The following BTBD7 variants were observed in gnomAD, a reference collection of about 807,000 sequenced individuals.
BTBD7 encodes the protein BTB domain containing 7.
In BTBD7, 38 loss-of-function variants were observed where a neutral mutation model predicts 99.9. The observed-to-expected ratio is 0.38, with a 90% confidence interval of 0.29 to 0.50. The LOEUF (loss-of-function observed/expected upper bound fraction) is 0.50. BTBD7 is among the 20% of genes least tolerant of loss of function. BTBD7 has a pLI of 0.93. For synonymous variants in BTBD7, 520 were observed against 511.4 expected (o/e 1.02, Z -0.23); for missense variants, 1,170 against 1,394.6 (o/e 0.84, Z 2.57).
At chr14:93,331,388 G>A (rs1026716666) in intron 1 of BTBD7, among the ~76,000 whole-genome samples, 2 of 152,092 alleles carry the variant, frequency 1.3e-5, no homozygotes, top group African/African-American at 2.4e-5. Context: ...CTGGTTTCCC[G>A]GCTCTAAAAC....
intron 1 of BTBD7, among the ~76,000 whole-genome samples, chr14:93,303,049 G>C (rs1344117257): frequency 1.3e-5 from 2 of 152,110 alleles, no homozygotes; most frequent in Admixed American, 6.6e-5. Context: ...AAAGGTATTG[G>C]GTCTTTGTTC....
intron 1 of BTBD7, among the ~76,000 whole-genome samples, chr14:93,303,845 C>T (rs2053035327): frequency 6.6e-6 from 1 of 152,204 alleles, no homozygotes; most frequent in South Asian, 2.1e-4. Context: ...CCACCCCCCA[C>T]CAGAGGAAGG....
At chr14:93,278,683 TATTTTA>T (rs2052683179) in intron 3 of BTBD7, among the ~76,000 whole-genome samples, 1 of 152,236 alleles carries the variant, frequency 6.6e-6, no homozygotes, top group Admixed American at 6.5e-5. Flanking sequence ...TGGAAGTACG[TATTTTA>T]TAACCTTATA....
chr14:93,321,708 C>T (rs2053272194), intron 1 of BTBD7, among the ~76,000 whole-genome samples: 1 of 152,148 alleles, frequency 6.6e-6, no homozygotes, highest in Admixed American at 6.5e-5. Context: ...TGGAGCAAAA[C>T]TGCCCAAGTT....
intron 1 of BTBD7, among the ~76,000 whole-genome samples, chr14:93,314,364 T>G (rs958237198): frequency 9.2e-5 from 14 of 152,256 alleles, no homozygotes; most frequent in Middle Eastern, 3.4e-3. Context: ...TTACACTAAA[T>G]CCTAAAATTA....
intron 4 of BTBD7, 53 bp downstream of exon 4, chr14:93,263,732 G>A: frequency 6.6e-7 from 1 of 1,525,698 alleles, no homozygotes; most frequent in South Asian, 1.1e-5. Flanking sequence ...GCATAGATGG[G>A]TTTCTTGGCG....
At chr14:93,305,647 T>C (rs1160410372) in intron 1 of BTBD7, among the ~76,000 whole-genome samples, 3 of 152,260 alleles carry the variant, frequency 2.0e-5, no homozygotes, top group South Asian at 4.1e-4. Flanking sequence ...CAGAATGAAA[T>C]AGATATTCTT....
At chr14:93,246,388 C>G in intron 9 of BTBD7, 102 bp from the exon 10 acceptor site, 1 of 1,226,056 alleles carries the variant, frequency 8.2e-7, no homozygotes, top group Non-Finnish European at 1.1e-6. Context: ...AAGAAAACCA[C>G]AGTCAGCAAG....
rs543597486 is a variant in BTBD7, at chr14:93,271,097, T to G, written c.1163-7104A>C. 5.1e-4 allele frequency among the ~76,000 whole-genome samples: 78 copies of G among 152,334 alleles called. 1 individual carries two copies. The highest frequency in any genetic ancestry group is 7.8e-4 in the Non-Finnish European group (53 of 68,032). ...TCAGTAACACAAATGACTGTATTGC[T>G]GCATGTTAAATAGGATCACTTTCTG... On this transcript the variant is annotated intron_variant, in intron 3 of 10. Transcript: ENST00000334746.
chr14:93,252,931 C>G (rs530174260), intron 7 of BTBD7, among the ~76,000 whole-genome samples: 1 of 151,946 alleles, frequency 6.6e-6, no homozygotes, highest in Non-Finnish European at 1.5e-5. Flanking sequence ...TCAGGTGATT[C>G]TCCTAAATCA....
chr14:93,253,684 C>T lies in BTBD7; in HGVS notation c.1715G>A (p.Arg572His), dbSNP rs759339337. The T allele has an allele frequency of 6.8e-6, 11 of 1,612,288 alleles. No individual in the cohort carries two copies. The highest frequency in any genetic ancestry group is 1.3e-5 in the African/African-American group (1 of 74,982). The change falls in exon 7 of 11, where the codon CGT (arginine) becomes CAT (histidine). Residue 572 changes from arginine to histidine, a missense_variant. By Grantham distance (29) the Arg-to-His change is conservative. Transcript: ENST00000334746. Reference sequence around the variant, plus strand: ...CACATAGGGAGAGAAGAGTCGAGGACGAACATAGATGCCAGCATTTTTTTG... The same window carrying T: ...CACATAGGGAGAGAAGAGTCGAGGATGAACATAGATGCCAGCATTTTTTTG... ...LRQKNAGIYV[R>H]PRLFSPYVEE...
intron 1 of BTBD7, among the ~76,000 whole-genome samples, chr14:93,318,132 C>A (rs539667811): frequency 1.1e-4 from 17 of 152,272 alleles, no homozygotes; most frequent in Non-Finnish European, 4.4e-5. Context: ...GGTGATCTTG[C>A]GGATTCAAAA....
chr14:93,242,485 C>A lies in BTBD7; in HGVS notation c.3187G>T (p.Asp1063Tyr), dbSNP rs1270759459. The A allele has an allele frequency of 5.6e-6, 9 of 1,614,236 alleles. No individual in the cohort carries two copies. The highest frequency in any genetic ancestry group is 7.6e-6 in the Non-Finnish European group (9 of 1,180,046). The change falls in exon 11 of 11, where the codon GAC becomes TAC. Residue 1063 changes from aspartate to tyrosine, a missense_variant. By Grantham distance (160) the Asp-to-Tyr change is radical (BLOSUM62 -3). Around this residue, in one of 4 missense-constraint regions of BTBD7, gnomAD observed 495 missense variants for 525.9 expected, o/e 0.94. Transcript: ENST00000334746. ...HVRGRTAVET[D>Y]LTFGLTPNRP... ...TTAGGAGTCAGCCCAAAAGTCAAGTCAGTTTCTACTGCAGTTCGTCCCCTG... is the reference window on the plus strand; with the variant it reads ...TTAGGAGTCAGCCCAAAAGTCAAGTAAGTTTCTACTGCAGTTCGTCCCCTG...
At chr14:93,271,905 C>T (rs2052605179) in intron 3 of BTBD7, among the ~76,000 whole-genome samples, 1 of 152,178 alleles carries the variant, frequency 6.6e-6, no homozygotes, top group Admixed American at 6.5e-5. Flanking sequence ...ACTCAGGAGG[C>T]TGACGTGGGA....
At chr14:93,304,767 G>C (rs774546773) in intron 1 of BTBD7, among the ~76,000 whole-genome samples, 1 of 152,176 alleles carries the variant, frequency 6.6e-6, no homozygotes, top group African/African-American at 2.4e-5. Context: ...TCCATTCAAA[G>C]CCAAAACATT....
At chr14:93,315,313 A>C (rs148182390) in intron 1 of BTBD7, among the ~76,000 whole-genome samples, 1 of 152,214 alleles carries the variant, frequency 6.6e-6, no homozygotes, top group African/African-American at 2.4e-5. Context: ...CATTTTATTA[A>C]GTCCTAAGTA....
intron 3 of BTBD7, among the ~76,000 whole-genome samples, chr14:93,265,975 T>C (rs2052537591): frequency 6.6e-6 from 1 of 152,090 alleles, no homozygotes; most frequent in Non-Finnish European, 1.5e-5. Context: ...GAAAGTATGT[T>C]TCAAAATCTT....
At chr14:93,246,925 T>C (rs2052318394) in intron 9 of BTBD7, among the ~76,000 whole-genome samples, 1 of 152,256 alleles carries the variant, frequency 6.6e-6, no homozygotes, top group Non-Finnish European at 1.5e-5. Context: ...AACCTAAAAA[T>C]GTTCAGTAGA....
Position 93,240,842 on chromosome 14 carries a change from G to A in BTBD7, c.*1431C>T, listed in dbSNP as rs1222801474. On this transcript the variant is annotated 3_prime_UTR_variant, in exon 11 of 11. Coordinates refer to ENST00000334746, the MANE Select transcript of BTBD7 (RefSeq NM_001002860.4). Reference sequence around the variant, plus strand: ...AATGCCAAACCAGCGTCCCAGTGGAGTTCAAGTAGGACATGTAGTGTTTAA... The same window carrying A: ...AATGCCAAACCAGCGTCCCAGTGGAATTCAAGTAGGACATGTAGTGTTTAA... 6.6e-6 allele frequency: 1 copy of A among 152,642 alleles called. No individual in the cohort carries two copies. The highest frequency in any genetic ancestry group is 1.5e-5 in the Non-Finnish European group (1 of 68,052). The allele number at this position is 152,642 out of a possible 1,614,324, so 9.5% of individuals were successfully genotyped here. A position where few individuals can be genotyped will look rare whatever the true frequency, so the allele number is the denominator to read the frequency against.
Sources: gnomAD v4.1 joint callset for allele counts (sites outside exome capture counted in the v4.1 genomes callset) on GRCh38, gnomAD v4.1.1 for gene constraint, gnomAD v4.1.1 regional missense constraint, MANE v1.5 for transcripts, NCBI Gene and HGNC (gene_info 2026-07-23, HGNC 2026-07-21) for gene names.